Variants in POLB observed in about 807,000 individuals in gnomAD.
POLB encodes the protein 5'-dRP lyase.
A neutral mutation model predicts 52.7 loss-of-function variants in POLB; 37 were observed. The ratio of observed to expected loss-of-function variants is 0.70; its 90% CI spans 0.54 to 0.92. POLB has a LOEUF of 0.92. POLB is among the 40% of genes least tolerant of loss of function. POLB has a pLI of 0.00. For missense variants in POLB, 313 were observed against 400.8 expected, an observed-to-expected ratio of 0.78 and a Z score of 1.87; for synonymous variants, 138 against 131.3, an observed-to-expected ratio of 1.05 and a Z score of -0.35.
intron 11 of POLB, among the ~76,000 whole-genome samples, chr8:42,367,525 A>G (rs1056770564): frequency 6.6e-6 from 1 of 152,210 alleles, no homozygotes; most frequent in Non-Finnish European, 1.5e-5. Flanking sequence ...CTAAAAGGAA[A>G]TTGGCTGCAA....
intron 9 of POLB, among the ~76,000 whole-genome samples, chr8:42,359,815 A>G (rs1221470148): frequency 4.0e-5 from 6 of 151,620 alleles, no homozygotes; most frequent in Non-Finnish European, 1.5e-5. Flanking sequence ...AAAGTGAAAC[A>G]TTTTTGTTGG....
chr8:42,341,155 C>T (rs1822178353), intron 2 of POLB, among the ~76,000 whole-genome samples: 1 of 152,144 alleles, frequency 6.6e-6, no homozygotes, highest in African/African-American at 2.4e-5. Context: ...TGATTGTGGC[C>T]AAAGTATTCT....
intron 2 of POLB, chr8:42,341,802 A>T: frequency 2.0e-6 from 1 of 508,312 alleles, no homozygotes; most frequent in Non-Finnish European, 3.7e-6. Flanking sequence ...GCCGTGGGGA[A>T]GCTTGCCTTC....
chr8:42,363,914 A>G (rs1334784414), intron 11 of POLB, among the ~76,000 whole-genome samples: 2 of 150,910 alleles, frequency 1.3e-5, no homozygotes, highest in Admixed American at 1.3e-4. Context: ...ATAGAAATCT[A>G]GAATTACGAT....
intron 6 of POLB, among the ~76,000 whole-genome samples, chr8:42,353,915 T>A (rs894256581): frequency 6.9e-6 from 1 of 144,654 alleles, no homozygotes; most frequent in Non-Finnish European, 1.6e-5. Flanking sequence ...CCAACTCTTA[T>A]GAGGCATGAT....
intron 8 of POLB, 37 bp downstream of exon 8, chr8:42,357,260 G>T: frequency 7.0e-7 from 1 of 1,437,068 alleles, no homozygotes; most frequent in Non-Finnish European, 9.8e-7. Flanking sequence ...GATTAGAATT[G>T]AGAGTGTCAC....
intron 7 of POLB, 135 bp from the exon 8 acceptor site, chr8:42,357,034 G>T: frequency 1.7e-6 from 1 of 592,102 alleles, no homozygotes; most frequent in Non-Finnish European, 3.0e-6. Flanking sequence ...TGTCATCTCA[G>T]TGAATTCATT....
intron 7 of POLB, among the ~76,000 whole-genome samples, chr8:42,356,569 C>A (rs1489518134): frequency 6.6e-6 from 1 of 152,094 alleles, no homozygotes; most frequent in Non-Finnish European, 1.5e-5. Context: ...CAGAAAGAAC[C>A]CTGTACCTAT....
At chr8:42,344,499 AGGT>A (rs985567734) in intron 2 of POLB, among the ~76,000 whole-genome samples, 6 of 150,868 alleles carry the variant, frequency 4.0e-5, no homozygotes, top group Non-Finnish European at 5.9e-5. Flanking sequence ...GACATATATT[AGGT>A]GGTCTGTCAG....
chr8:42,362,270 AAATAAAAT>A (rs1563405070), intron 10 of POLB, among the ~76,000 whole-genome samples: 4 of 150,578 alleles, frequency 2.7e-5, no homozygotes, highest in Non-Finnish European at 5.9e-5. Context: ...AAATAAAATA[AAATAAAAT>A]AAAATAAAAT....
chr8:42,348,521 C>T (rs1822772098), intron 3 of POLB, among the ~76,000 whole-genome samples: 1 of 152,200 alleles, frequency 6.6e-6, no homozygotes, highest in Non-Finnish European at 1.5e-5. Context: ...CCCCTGAGAA[C>T]TTAGGCATAT....
At chr8:42,344,381 A>G (rs1031609998) in intron 2 of POLB, among the ~76,000 whole-genome samples, 8 of 151,754 alleles carry the variant, frequency 5.3e-5, no homozygotes, top group African/African-American at 1.9e-4. Flanking sequence ...AGGCAGGAGA[A>G]TCGCTTGAAC....
chr8:42,371,683 A>G lies in POLB; in HGVS notation c.*26A>G. On this transcript the variant is annotated 3_prime_UTR_variant, in exon 14 of 14. Coordinates refer to ENST00000265421, the MANE Select transcript of POLB (RefSeq NM_002690.3). Reference sequence around the variant, plus strand: ...GGCCTGTATCCTCCCTGGCAGACACAACCCAATAGGAGTCTTAATTTATTT... The same window carrying G: ...GGCCTGTATCCTCCCTGGCAGACACGACCCAATAGGAGTCTTAATTTATTT... 7.8e-7 allele frequency: 1 copy of G among 1,288,174 alleles called. No individual in the cohort carries two copies. The highest frequency in any genetic ancestry group is 1.2e-5 in the South Asian group (1 of 84,546). The allele number at this position is 1,288,174 out of a possible 1,614,324, so 79.8% of individuals were successfully genotyped here. A position where few individuals can be genotyped will look rare whatever the true frequency, so the allele number is the denominator to read the frequency against.
intron 3 of POLB, among the ~76,000 whole-genome samples, chr8:42,346,814 GC>G (rs1330530579): frequency 6.6e-6 from 1 of 152,084 alleles, no homozygotes; most frequent in African/African-American, 2.4e-5. Context: ...CCTTGACTTC[GC>G]TACTCAGTAC....
intron 7 of POLB, among the ~76,000 whole-genome samples, chr8:42,356,400 T>G (rs1480289904): frequency 1.3e-5 from 2 of 152,338 alleles, no homozygotes; most frequent in South Asian, 4.1e-4. Context: ...AGTTGCTGTT[T>G]CACACTGAAT....
At chr8:42,354,345 A>G (rs1823166931) in intron 6 of POLB, 3 of 516,052 alleles carry the variant, frequency 5.8e-6, no homozygotes, top group Non-Finnish European at 1.0e-5. Context: ...GGGAATGTGT[A>G]TATTTGTGGC....
intron 7 of POLB, among the ~76,000 whole-genome samples, chr8:42,355,954 C>T (rs187501778): frequency 3.9e-5 from 6 of 152,018 alleles, no homozygotes; most frequent in Non-Finnish European, 5.9e-5. Context: ...ATAGTCTACC[C>T]GAGAAGGTAG....
intron 6 of POLB, chr8:42,354,311 T>G (rs894080433): frequency 9.8e-6 from 4 of 407,652 alleles, no homozygotes; most frequent in Admixed American, 3.4e-5. Context: ...AGATGCTTAT[T>G]TTTCTCGATT....
intron 9 of POLB, among the ~76,000 whole-genome samples, chr8:42,360,636 A>T (rs1823615555): frequency 6.6e-6 from 1 of 152,210 alleles, no homozygotes; most frequent in Non-Finnish European, 1.5e-5. Flanking sequence ...TTCATAGAAT[A>T]TAGGAAAAGA....
Sources: gnomAD v4.1 joint callset for allele counts (sites outside exome capture counted in the v4.1 genomes callset) on GRCh38, gnomAD v4.1.1 for gene constraint, MANE v1.5 for transcripts, NCBI Gene and HGNC (gene_info 2026-07-23, HGNC 2026-07-21) for gene names.